PCLO: variants seen among roughly 807,000 people sequenced by gnomAD.
The protein encoded by PCLO is protein piccolo.
PCLO carries 82 observed loss-of-function variants against 427.5 expected under a neutral mutation model. The ratio of observed to expected loss-of-function variants is 0.19; its 90% CI spans 0.16 to 0.23. The LOEUF is 0.23. PCLO is among the 10% of genes least tolerant of loss of function. The pLI is 1.00. For synonymous variants in PCLO, 2,357 were observed against 2,155.4 expected (o/e 1.09, Z -2.59); for missense variants, 6,239 against 6,115.9 (o/e 1.02, Z -0.67).
intron 22 of PCLO, among the ~76,000 whole-genome samples, chr7:82,793,406 C>T (rs2129468458): frequency 1.3e-5 from 2 of 152,194 alleles, no homozygotes; most frequent in African/African-American, 2.4e-5. Flanking sequence ...CGCAGTTGCA[C>T]CCATATGTTG....
chr7:82,974,967 C>T (rs1447458410), intron 3 of PCLO, among the ~76,000 whole-genome samples: 2 of 151,814 alleles, frequency 1.3e-5, no homozygotes, highest in Non-Finnish European at 2.9e-5. Context: ...TTAGTAGAGG[C>T]GGGGTTTCAC....
At chr7:83,016,479 T>C (rs1181832078) in intron 3 of PCLO, among the ~76,000 whole-genome samples, 3 of 152,016 alleles carry the variant, frequency 2.0e-5, no homozygotes, top group African/African-American at 4.8e-5. Context: ...GAAACAAATA[T>C]AGAAGTTTCA....
intron 22 of PCLO, among the ~76,000 whole-genome samples, chr7:82,794,151 C>G (rs370542322): frequency 2.0e-5 from 3 of 152,074 alleles, no homozygotes; most frequent in Non-Finnish European, 2.9e-5. Flanking sequence ...TCTGGAGAAA[C>G]CTTTAGCATC....
intron 4 of PCLO, among the ~76,000 whole-genome samples, chr7:82,959,559 T>C (rs1157247588): frequency 6.6e-6 from 1 of 152,166 alleles, no homozygotes; most frequent in Non-Finnish European, 1.5e-5. Flanking sequence ...ACTTATATAA[T>C]GTAACAAGGG....
rs374145934 is a variant in PCLO at position 82,916,654 on chromosome 7, C to T, written c.11332G>A (p.Ala3778Thr). ...TCTGCTTGTTTCTTTCGAAGTTTTG[C>T]AGACTCCCTTTCCACAAGATCAAGC... is the stretch of plus-strand genomic sequence containing the variant. Reference protein sequence around the residue: ...RELDLVERESAKLRKKQAELD... With the variant: ...RELDLVERESTKLRKKQAELD... Residue 3778 changes from alanine (A) to threonine (T), a missense_variant, in exon 7 of 25, where the codon GCA (alanine) becomes ACA (threonine). Ala to Thr is a moderately conservative substitution (Grantham distance 58, BLOSUM62 0). Around this residue, in one of 5 missense-constraint regions of PCLO, gnomAD observed 4,677 missense variants for 4,468.4 expected, o/e 1.05. Coordinates refer to ENST00000333891, the MANE Select transcript of PCLO (RefSeq NM_033026.6). 129 of 1,613,606 alleles carry T rather than the reference C, an allele frequency of 8.0e-5. No individual in the cohort carries two copies. The highest frequency in any genetic ancestry group is 1.7e-5 in the Admixed American group (1 of 59,932).
At position 82,845,308 on chromosome 7, in the gene PCLO, G is replaced by C; in HGVS notation, c.14009C>G (p.Ser4670Cys). Residue 4670 changes from serine to cysteine, a missense_variant, in exon 13 of 25, where the codon TCC (serine) becomes TGC (cysteine). This residue lies in a region of PCLO where 877 missense variants were observed against 925.5 expected (regional missense o/e 0.95). Transcript: ENST00000333891. ...SSVPSPGQPG[S>C]PSVSKKKHGS... ...GTGCTTCTTTTTGCTCACTGAGGGG[G>C]ACCCTGGTTGCCCAGGGCTGGGAAC... The C allele has an allele frequency of 6.2e-7, 1 of 1,613,456 alleles. No homozygotes were observed.
At chr7:82,781,879 T>G (rs1031639552) in intron 22 of PCLO, among the ~76,000 whole-genome samples, 1 of 151,980 alleles carries the variant, frequency 6.6e-6, no homozygotes, top group Non-Finnish European at 1.5e-5. Context: ...CACATGGAGG[T>G]TCCTGGAGGG....
At position 83,134,911 on chromosome 7, in the gene PCLO, C is replaced by T. The variant is rs1466659738; in HGVS notation, c.2639G>A (p.Gly880Asp). 4 of 1,602,630 alleles carry T rather than the reference C, an allele frequency of 2.5e-6. No homozygotes were observed. Among genetic ancestry groups the T allele is most frequent in the East Asian group, 4.5e-5 (2 of 44,822 alleles). ...AGTTTGGCCAGCGGTAGGTCGTGGGCCAGGGGGTGTTGGTGACCCTTTTGG... is the reference window on the plus strand; with the variant it reads ...AGTTTGGCCAGCGGTAGGTCGTGGGTCAGGGGGTGTTGGTGACCCTTTTGG... Reference protein sequence around the residue: ...PMPKGSPTPPGPRPTAGQTVP... With the variant: ...PMPKGSPTPPDPRPTAGQTVP... Residue 880 changes from glycine (G) to aspartate (D), a missense_variant, in exon 3 of 25, where the codon GGC (glycine) becomes GAC (aspartate). Coordinates refer to ENST00000333891, the MANE Select transcript of PCLO (RefSeq NM_033026.6).
At chr7:83,041,323 A>G (rs1788967601) in intron 3 of PCLO, among the ~76,000 whole-genome samples, 1 of 152,148 alleles carries the variant, frequency 6.6e-6, no homozygotes, top group Admixed American at 6.5e-5. Context: ...AAACAGTTAA[A>G]GACCTGCTGT....
chr7:82,950,060 G>A lies in PCLO; in HGVS notation c.10528C>T (p.Leu3510Phe). The A allele has an allele frequency of 3.2e-5, 51 of 1,612,202 alleles. 1 individual carries two copies. The highest frequency in any genetic ancestry group is 4.2e-5 in the Non-Finnish European group (49 of 1,179,578). Residue 3510 changes from leucine to phenylalanine, a missense_variant, in exon 6 of 25, where the codon CTT becomes TTT. Physicochemically the swap from Leu to Phe is conservative, Grantham distance 22. Transcript: ENST00000333891. ...SMTEADKTKP[L>F]SKVSSIAVQT... ...ACTGCTATGCTGGAGACTTTGGAAA[G>A]GGGTTTGGTCTTGTCAGCCTCTGTC...
intron 10 of PCLO, among the ~76,000 whole-genome samples, chr7:82,863,602 T>C (rs1451226041): frequency 3.3e-5 from 5 of 152,006 alleles, no homozygotes; most frequent in African/African-American, 4.8e-5. Flanking sequence ...CCTGCAATAA[T>C]TGATTTTCCA....
chr7:83,122,298 T>C, intron 3 of PCLO, among the ~76,000 whole-genome samples: 1 of 150,644 alleles, frequency 6.6e-6, no homozygotes. Context: ...TTTTTTTTTT[T>C]TTTTTTTTAT....
At chr7:83,068,503 C>G (rs1399199858) in intron 3 of PCLO, among the ~76,000 whole-genome samples, 1 of 152,126 alleles carries the variant, frequency 6.6e-6, no homozygotes, top group African/African-American at 2.4e-5. Flanking sequence ...AGAAGACATA[C>G]GAATGACCAA....
intron 16 of PCLO, among the ~76,000 whole-genome samples, chr7:82,831,926 A>T (rs1048591783): frequency 1.3e-5 from 2 of 152,096 alleles, no homozygotes; most frequent in Non-Finnish European, 2.9e-5. Flanking sequence ...ACAATTTAAA[A>T]CTCTACACAA....
chr7:82,962,618 G>A (rs982916825), intron 4 of PCLO, among the ~76,000 whole-genome samples: 3 of 151,688 alleles, frequency 2.0e-5, no homozygotes, highest in Non-Finnish European at 2.9e-5. Flanking sequence ...AACCCTCAAG[G>A]AAAAATGTAC....
intron 10 of PCLO, among the ~76,000 whole-genome samples, chr7:82,874,757 G>T (rs749480065): frequency 1.1e-4 from 16 of 152,076 alleles, no homozygotes; most frequent in Non-Finnish European, 2.2e-4. Flanking sequence ...GATTTAAAAT[G>T]AAAGTTGTAA....
Position 82,925,458 on chromosome 7 carries a change from G to A in PCLO, c.11113-8585C>T, listed in dbSNP as rs1794690592. Reference sequence around the variant, plus strand: ...GAAGCAGAGTTTCACTCTATGAAATGTCAATGAAAACAGCAATACACCTTC... The same window carrying A: ...GAAGCAGAGTTTCACTCTATGAAATATCAATGAAAACAGCAATACACCTTC... On this transcript the variant is annotated intron_variant, in intron 6 of 24. Coordinates refer to ENST00000333891, the MANE Select transcript of PCLO (RefSeq NM_033026.6). 2.0e-5 allele frequency among the ~76,000 whole-genome samples: 3 copies of A among 152,008 alleles called. No individual in the cohort carries two copies. In the South Asian group the frequency reaches 6.2e-4, roughly 31 times the overall value.
intron 6 of PCLO, among the ~76,000 whole-genome samples, 170 bp downstream of exon 6, chr7:82,949,306 C>G (rs115703843): frequency 2.0e-5 from 3 of 151,826 alleles, no homozygotes; most frequent in African/African-American, 4.8e-5. Context: ...CACACACACA[C>G]GCACACACAC....
chr7:83,105,426 T>A (rs932279441), intron 3 of PCLO, among the ~76,000 whole-genome samples: 2 of 152,196 alleles, frequency 1.3e-5, no homozygotes, highest in Admixed American at 6.5e-5. Flanking sequence ...TCAGTCCAAT[T>A]ACTTACAAGT....
Sources: gnomAD v4.1 joint callset for allele counts (sites outside exome capture counted in the v4.1 genomes callset) on GRCh38, gnomAD v4.1.1 for gene constraint, gnomAD v4.1.1 regional missense constraint, MANE v1.5 for transcripts, NCBI Gene and HGNC (gene_info 2026-07-23, HGNC 2026-07-21) for gene names.